CHRM3: variants seen among roughly 807,000 people sequenced by gnomAD.
CHRM3 encodes the protein cholinergic receptor muscarinic 3, also known as muscarinic acetylcholine receptor M3.
Under a neutral mutation model 41.8 loss-of-function variants are expected in CHRM3, and 11 were observed. The observed-to-expected ratio is 0.26, with a 90% CI of 0.17 to 0.44. The LOEUF (loss-of-function observed/expected upper bound fraction) is 0.44, where lower values mean the gene tolerates loss of function less well. Among genes scored for constraint, CHRM3 ranks in the 20% least tolerant of loss-of-function variants. The pLI, the probability that CHRM3 is intolerant of heterozygous loss-of-function variation, is 1.00. For missense variants in CHRM3, 571 were observed against 745.4 expected, an observed-to-expected ratio of 0.77 and a Z score of 2.72; for synonymous variants, 297 against 301.4, an observed-to-expected ratio of 0.99 and a Z score of 0.15.
chr1:239,654,108 T>C (rs1315113461), intron 4 of CHRM3, among the ~76,000 whole-genome samples: 1 of 151,976 alleles, frequency 6.6e-6, no homozygotes, highest in African/African-American at 2.4e-5. Flanking sequence ...ACCACAGATG[T>C]GAGCCACCAC....
intron 1 of CHRM3, among the ~76,000 whole-genome samples, chr1:239,466,327 CT>C (rs953024221): frequency 1.3e-5 from 2 of 152,022 alleles, no homozygotes; most frequent in Non-Finnish European, 2.9e-5. Flanking sequence ...AATGTCTGTA[CT>C]TTTTCTTATG....
At chr1:239,643,574 G>A (rs1006384236) in intron 4 of CHRM3, among the ~76,000 whole-genome samples, 7 of 152,208 alleles carry the variant, frequency 4.6e-5, no homozygotes, top group Non-Finnish European at 7.3e-5. Context: ...CTCCGAGCCA[G>A]GTGCGGGATA....
At chr1:239,872,310 A>G (rs1180995965) in intron 6 of CHRM3, among the ~76,000 whole-genome samples, 2 of 152,238 alleles carry the variant, frequency 1.3e-5, no homozygotes, top group African/African-American at 2.4e-5. Flanking sequence ...TCTCTATAAA[A>G]TGAGGTGATG....
intron 1 of CHRM3, among the ~76,000 whole-genome samples, chr1:239,484,255 C>A (rs924734706): frequency 3.0e-4 from 45 of 152,128 alleles, no homozygotes; most frequent in African/African-American, 1.1e-3. Context: ...GAAGGTGAAG[C>A]GAGAGCAGGC....
intron 5 of CHRM3, among the ~76,000 whole-genome samples, chr1:239,680,735 G>C (rs1021848192): frequency 2.0e-5 from 3 of 151,946 alleles, no homozygotes; most frequent in Admixed American, 6.6e-5. Context: ...TGTGGTTGGA[G>C]TGCTTGTGGC....
At chr1:239,505,259 GGATGATGATGATGAT>G (rs3028735) in intron 2 of CHRM3, among the ~76,000 whole-genome samples, 39 of 144,892 alleles carry the variant, frequency 2.7e-4, no homozygotes, top group East Asian at 1.9e-3. Context: ...CTGTTTCCTG[GGATGATGATGATGAT>G]GATGATGATG....
intron 3 of CHRM3, among the ~76,000 whole-genome samples, chr1:239,602,127 T>TATATATATATATATAC (rs1553337693): frequency 1.4e-4 from 19 of 132,642 alleles, no homozygotes; most frequent in Admixed American, 2.3e-4. Flanking sequence ...TATATATATA[T>TATATATATATATATAC]ATATATATAT....
At chr1:239,622,560 G>T (rs1668503142) in intron 3 of CHRM3, among the ~76,000 whole-genome samples, 1 of 152,130 alleles carries the variant, frequency 6.6e-6, no homozygotes, top group Admixed American at 6.5e-5. Flanking sequence ...GATGAAGAAA[G>T]AATAAATACC....
intron 3 of CHRM3, among the ~76,000 whole-genome samples, chr1:239,597,859 T>TTTA: frequency 1.6e-4 from 1 of 6,292 alleles, no homozygotes; most frequent in Admixed American, 6.7e-3. Flanking sequence ...ACTGTCAGAG[T>TTTA]TTTTTTTTTT....
intron 5 of CHRM3, among the ~76,000 whole-genome samples, chr1:239,713,333 A>G (rs1662001967): frequency 1.3e-5 from 2 of 152,150 alleles, no homozygotes; most frequent in African/African-American, 4.8e-5. Context: ...TTGCTCTGTA[A>G]TTATACTGTC....
At chr1:239,779,859 A>G (rs1645658941) in intron 5 of CHRM3, among the ~76,000 whole-genome samples, 1 of 152,240 alleles carries the variant, frequency 6.6e-6, no homozygotes, top group South Asian at 2.1e-4. Flanking sequence ...TGCCTTTTCC[A>G]AAGTGTCATA....
intron 5 of CHRM3, among the ~76,000 whole-genome samples, chr1:239,807,314 G>A (rs978866420): frequency 1.3e-5 from 2 of 152,164 alleles, no homozygotes; most frequent in Admixed American, 1.3e-4. Flanking sequence ...TTCATTTATA[G>A]TACTATGGCA....
At chr1:239,900,401 C>A (rs1679436500) in intron 6 of CHRM3, among the ~76,000 whole-genome samples, 1 of 125,212 alleles carries the variant, frequency 8.0e-6, no homozygotes, top group African/African-American at 3.3e-5. Context: ...TTTTTGAAAT[C>A]CTTATGACCG....
At chr1:239,548,727 C>T (rs1362986728) in intron 3 of CHRM3, among the ~76,000 whole-genome samples, 1 of 152,150 alleles carries the variant, frequency 6.6e-6, no homozygotes, top group Admixed American at 6.5e-5. Context: ...GAGAGATGCC[C>T]ATGGCACTGA....
At chr1:239,688,028 T>C (rs967595479) in intron 5 of CHRM3, among the ~76,000 whole-genome samples, 5 of 152,014 alleles carry the variant, frequency 3.3e-5, no homozygotes, top group African/African-American at 4.8e-5. Context: ...TCATGAATAC[T>C]GATGCTTCAC....
At chr1:239,435,342 G>A (rs537975201) in intron 1 of CHRM3, among the ~76,000 whole-genome samples, 17 of 151,876 alleles carry the variant, frequency 1.1e-4, no homozygotes, top group Admixed American at 8.5e-4. Flanking sequence ...CCAGCTACTC[G>A]GGAGGCTGAG....
intron 1 of CHRM3, among the ~76,000 whole-genome samples, chr1:239,455,721 T>G (rs979690393): frequency 6.6e-6 from 1 of 152,210 alleles, no homozygotes; most frequent in African/African-American, 2.4e-5. Flanking sequence ...GTCAAAAAGT[T>G]TTTAAAAAAT....
chr1:239,839,043 T>C (rs1474358298), intron 6 of CHRM3, among the ~76,000 whole-genome samples: 1 of 152,228 alleles, frequency 6.6e-6, no homozygotes, highest in East Asian at 1.9e-4. Context: ...CATCCTCAAA[T>C]ACACAAAATC....
chr1:239,509,960 G>A (rs899467589), intron 2 of CHRM3, among the ~76,000 whole-genome samples: 3 of 152,094 alleles, frequency 2.0e-5, no homozygotes, highest in Admixed American at 6.5e-5. Flanking sequence ...GTGGTGACAT[G>A]TGCCTGTAAT....
Sources: gnomAD v4.1 joint callset for allele counts (sites outside exome capture counted in the v4.1 genomes callset) on GRCh38, gnomAD v4.1.1 for gene constraint, MANE v1.5 for transcripts, NCBI Gene and HGNC (gene_info 2026-07-23, HGNC 2026-07-21) for gene names.